The following CACNA2D3 variants were observed in gnomAD, a reference collection of about 807,000 sequenced individuals.
The protein encoded by CACNA2D3 is calcium voltage-gated channel auxiliary subunit alpha2delta 3, also known as voltage-dependent calcium channel subunit alpha-2/delta-3.
CACNA2D3 carries 60 observed loss-of-function variants against 160.6 expected under a neutral mutation model. The observed-to-expected ratio is 0.37, with a 90% CI of 0.30 to 0.46. The LOEUF (loss-of-function observed/expected upper bound fraction) is 0.46. Among genes scored for constraint, CACNA2D3 ranks in the 20% least tolerant of loss-of-function variants. The pLI, the probability that CACNA2D3 is intolerant of heterozygous loss-of-function variation, is 1.00. For synonymous variants in CACNA2D3, 558 were observed against 492.9 expected (o/e 1.13, Z -1.75); for missense variants, 1,205 against 1,365.0 (o/e 0.88, Z 1.85).
chr3:54,774,553 C>T (rs1702385934), intron 13 of CACNA2D3, among the ~76,000 whole-genome samples: 1 of 151,350 alleles, frequency 6.6e-6, no homozygotes, highest in Non-Finnish European at 1.5e-5. Context: ...CAATTTGATA[C>T]AAGATTTGGG....
At chr3:54,610,625 C>CT (rs375115370) in intron 9 of CACNA2D3, among the ~76,000 whole-genome samples, 5,562 of 151,020 alleles carry the variant, frequency 0.037, 356 homozygotes, top group African/African-American at 0.13. Flanking sequence ...TTCTTCTTTC[C>CT]TTTTTTTTTC....
At chr3:54,864,320 C>T (rs1699355738) in intron 17 of CACNA2D3, among the ~76,000 whole-genome samples, 1 of 151,656 alleles carries the variant, frequency 6.6e-6, no homozygotes, top group Non-Finnish European at 1.5e-5. Context: ...GTCGCCCAGG[C>T]TGGAGTGCGG....
intron 10 of CACNA2D3, among the ~76,000 whole-genome samples, chr3:54,636,507 A>G (rs1188038527): frequency 6.6e-6 from 1 of 152,020 alleles, no homozygotes; most frequent in African/African-American, 2.4e-5. Flanking sequence ...AGAAATGTAG[A>G]GAGTGAGTTG....
At chr3:54,132,167 CATA>C (rs1256406866) in intron 2 of CACNA2D3, among the ~76,000 whole-genome samples, 2 of 152,184 alleles carry the variant, frequency 1.3e-5, no homozygotes, top group South Asian at 4.1e-4. Flanking sequence ...GCCCCACTGA[CATA>C]ATAATAGTCA....
chr3:54,756,085 T>G (rs979077667), intron 12 of CACNA2D3, among the ~76,000 whole-genome samples: 1 of 152,212 alleles, frequency 6.6e-6, no homozygotes, highest in Admixed American at 6.5e-5. Context: ...AATATAGCCT[T>G]TAGGATTTAT....
chr3:54,871,344 A>G (rs1699530083), intron 17 of CACNA2D3, among the ~76,000 whole-genome samples, 195 bp from the exon 18 acceptor site: 1 of 152,034 alleles, frequency 6.6e-6, no homozygotes, highest in African/African-American at 2.4e-5. Context: ...CTTGGAGCCA[A>G]TGTTTAGAGG....
chr3:54,989,356 A>T (rs1426388269), intron 31 of CACNA2D3, among the ~76,000 whole-genome samples: 1 of 152,134 alleles, frequency 6.6e-6, no homozygotes, highest in Non-Finnish European at 1.5e-5. Context: ...AGTTGGCATG[A>T]ATCTAGAACT....
chr3:54,574,537 T>C (rs2106727429), intron 8 of CACNA2D3, among the ~76,000 whole-genome samples: 1 of 152,320 alleles, frequency 6.6e-6, no homozygotes, highest in Non-Finnish European at 1.5e-5. Flanking sequence ...ACTGATTGAA[T>C]TATGAAAGAA....
intron 11 of CACNA2D3, among the ~76,000 whole-genome samples, chr3:54,721,213 C>T (rs1207490797): frequency 6.6e-6 from 1 of 152,104 alleles, no homozygotes; most frequent in Non-Finnish European, 1.5e-5. Context: ...GCTCACCCGT[C>T]CTTGGTGCCA....
intron 3 of CACNA2D3, among the ~76,000 whole-genome samples, chr3:54,369,753 C>G (rs985619926): frequency 1.3e-5 from 2 of 152,316 alleles, no homozygotes; most frequent in Admixed American, 6.5e-5. Context: ...TGAAGTCTTC[C>G]TGGCCTCAGT....
chr3:54,781,636 T>A (rs1161603440), intron 13 of CACNA2D3, among the ~76,000 whole-genome samples: 2 of 152,210 alleles, frequency 1.3e-5, no homozygotes, highest in East Asian at 3.8e-4. Context: ...CCAAGCCAAT[T>A]CGGTAATTTG....
intron 6 of CACNA2D3, among the ~76,000 whole-genome samples, chr3:54,564,646 G>T (rs1016890632): frequency 6.6e-6 from 1 of 152,202 alleles, no homozygotes; most frequent in Non-Finnish European, 1.5e-5. Flanking sequence ...GCAAGTGTGC[G>T]TGTTCTTAAG....
chr3:54,831,806 G>A (rs1703884152), intron 14 of CACNA2D3, among the ~76,000 whole-genome samples: 1 of 152,022 alleles, frequency 6.6e-6, no homozygotes, highest in Non-Finnish European at 1.5e-5. Context: ...GGTCATTTAT[G>A]GCCCAGATTG....
intron 9 of CACNA2D3, among the ~76,000 whole-genome samples, chr3:54,599,665 TC>T (rs1429146531): frequency 1.3e-5 from 2 of 152,182 alleles, no homozygotes; most frequent in Non-Finnish European, 2.9e-5. Context: ...ATGCAGATTA[TC>T]CCATCAATGC....
intron 32 of CACNA2D3, among the ~76,000 whole-genome samples, chr3:55,006,696 A>G (rs1703101578): frequency 6.6e-6 from 1 of 151,788 alleles, no homozygotes; most frequent in African/African-American, 2.4e-5. Flanking sequence ...GAGCCTCAGC[A>G]TTGTTGTTGT....
intron 2 of CACNA2D3, among the ~76,000 whole-genome samples, chr3:54,277,191 A>T (rs1212502324): frequency 6.6e-6 from 1 of 152,202 alleles, no homozygotes; most frequent in Non-Finnish European, 1.5e-5. Flanking sequence ...CTCCCTTTTT[A>T]AAATCCCGCC....
intron 2 of CACNA2D3, among the ~76,000 whole-genome samples, chr3:54,301,321 G>A (rs939514634): frequency 2.6e-5 from 4 of 150,974 alleles, no homozygotes; most frequent in Non-Finnish European, 5.9e-5. Flanking sequence ...AAAAGAGGCC[G>A]GGGATGGCGG....
chr3:54,863,461 G>T (rs1252051836), intron 17 of CACNA2D3, among the ~76,000 whole-genome samples: 1 of 152,094 alleles, frequency 6.6e-6, no homozygotes, highest in Middle Eastern at 3.2e-3. Flanking sequence ...GGCACGAAAG[G>T]TTCCTCCCAG....
chr3:54,809,669 T>A (rs535138218), intron 13 of CACNA2D3, among the ~76,000 whole-genome samples: 2 of 151,294 alleles, frequency 1.3e-5, no homozygotes, highest in Admixed American at 1.3e-4. Flanking sequence ...CCTCCCTCCC[T>A]TCCTTTGTTC....
Sources: allele counts gnomAD v4.1 joint callset (sites outside exome capture counted in the v4.1 genomes callset), GRCh38; gene constraint gnomAD v4.1.1; transcripts MANE v1.5; gene names NCBI Gene and HGNC (gene_info 2026-07-23, HGNC 2026-07-21).